Variants in FOXP2 observed in about 807,000 individuals in gnomAD.
FOXP2 encodes forkhead box P2.
FOXP2 carries 12 observed loss-of-function variants against 115.8 expected under a neutral mutation model. That is an observed-to-expected ratio of 0.10 (90% CI 0.07 to 0.17). The LOEUF is 0.17. Among genes scored for constraint, FOXP2 ranks in the 10% least tolerant of loss-of-function variants. The pLI is 1.00. For missense variants in FOXP2, 629 were observed against 843.5 expected (o/e 0.75, Z 3.15); for synonymous variants, 328 against 297.7 (o/e 1.10, Z -1.05).
chr7:114,552,369 T>C (rs951179672), intron 3 of FOXP2, among the ~76,000 whole-genome samples: 4 of 152,186 alleles, frequency 2.6e-5, no homozygotes, highest in African/African-American at 9.7e-5. Context: ...TTCGGTTCTA[T>C]CGCCTCATTG....
At chr7:114,388,084 A>T (rs1562898963) in intron 2 of FOXP2, among the ~76,000 whole-genome samples, 2 of 152,204 alleles carry the variant, frequency 1.3e-5, no homozygotes, top group South Asian at 4.1e-4. Context: ...CAAGTGAGTT[A>T]CACCAACACT....
intron 2 of FOXP2, chr7:114,288,183 C>G (rs953144976): frequency 9.4e-6 from 4 of 425,564 alleles, no homozygotes; most frequent in Non-Finnish European, 1.9e-5. Flanking sequence ...TGATTTTACT[C>G]TTTAGTTTTT....
intron 3 of FOXP2, among the ~76,000 whole-genome samples, chr7:114,586,186 G>C (rs750076224): frequency 1.3e-5 from 2 of 152,132 alleles, no homozygotes; most frequent in Admixed American, 6.5e-5. Flanking sequence ...ATATCAGATA[G>C]ACACAATGAT....
intron 6 of FOXP2, among the ~76,000 whole-genome samples, chr7:114,639,863 T>G (rs1805427669): frequency 6.6e-6 from 1 of 152,196 alleles, no homozygotes; most frequent in Non-Finnish European, 1.5e-5. Flanking sequence ...CTGTTGTTGT[T>G]GTTGTTTTGT....
At chr7:114,547,594 A>G (rs1431073176) in intron 3 of FOXP2, among the ~76,000 whole-genome samples, 2 of 152,090 alleles carry the variant, frequency 1.3e-5, no homozygotes, top group South Asian at 4.1e-4. Context: ...CGTCTCTACT[A>G]AAAAATTACA....
intron 2 of FOXP2, among the ~76,000 whole-genome samples, chr7:114,501,325 A>G (rs779996102): frequency 3.3e-5 from 5 of 152,152 alleles, no homozygotes; most frequent in African/African-American, 9.6e-5. Flanking sequence ...TATTTTTGAT[A>G]CATCTTTATC....
In FOXP2 at chr7:114,540,665, G is replaced by T. The variant is rs73429344; in HGVS notation, c.258+5959G>T. 6.9e-3 allele frequency among the ~76,000 whole-genome samples: 1,056 copies of T among 152,188 alleles called. 9 individuals are homozygous for T. Among genetic ancestry groups the T allele is most frequent in the African/African-American group, 0.024 (1,005 of 41,546 alleles). On this transcript the variant is annotated intron_variant, in intron 3 of 16. Coordinates refer to ENST00000350908, the MANE Select transcript of FOXP2 (RefSeq NM_014491.4). ...AAATTAACAATTCAGGCTACAAGTG[G>T]TCAGGGAAGACTTTGTAGAGAAGGT...
intron 16 of FOXP2, among the ~76,000 whole-genome samples, chr7:114,682,708 A>G (rs1022334993): frequency 2.0e-5 from 3 of 152,130 alleles, no homozygotes; most frequent in East Asian, 3.8e-4. Context: ...CTAATTCTCT[A>G]TTCATCCTGC....
At chr7:114,449,429 AC>A (rs1794972843) in intron 2 of FOXP2, among the ~76,000 whole-genome samples, 1 of 152,086 alleles carries the variant, frequency 6.6e-6, no homozygotes. Flanking sequence ...TGTAATGCAC[AC>A]TTGTACATAT....
chr7:114,570,484 A>G (rs1399470631), intron 3 of FOXP2, among the ~76,000 whole-genome samples: 2 of 151,878 alleles, frequency 1.3e-5, no homozygotes, highest in Non-Finnish European at 2.9e-5. Context: ...TGTCATTTAA[A>G]TATATAGGAG....
intron 1 of FOXP2, among the ~76,000 whole-genome samples, chr7:114,183,742 A>T (rs547065672): frequency 6.6e-6 from 1 of 152,324 alleles, no homozygotes; most frequent in African/African-American, 2.4e-5. Flanking sequence ...AAGTATGTCA[A>T]CATAGTTTTT....
chr7:114,229,484 G>T (rs556732779), intron 1 of FOXP2, among the ~76,000 whole-genome samples: 69 of 151,620 alleles, frequency 4.6e-4, no homozygotes, highest in Non-Finnish European at 8.1e-4. Flanking sequence ...TCTTCAGATA[G>T]ATCATGTGTT....
intron 2 of FOXP2, among the ~76,000 whole-genome samples, chr7:114,315,110 T>A (rs1797243571): frequency 6.6e-6 from 1 of 152,208 alleles, no homozygotes. Context: ...GTTCCATCAC[T>A]GTCTTTGTGT....
intron 1 of FOXP2, among the ~76,000 whole-genome samples, chr7:114,215,542 T>A (rs1794464066): frequency 6.6e-6 from 1 of 152,200 alleles, no homozygotes; most frequent in African/African-American, 2.4e-5. Context: ...ATTGAAATAC[T>A]ACGGTTTATA....
At chr7:114,518,851 T>G (rs1397835543) in intron 2 of FOXP2, among the ~76,000 whole-genome samples, 1 of 152,162 alleles carries the variant, frequency 6.6e-6, no homozygotes, top group Non-Finnish European at 1.5e-5. Flanking sequence ...AATCACTTTG[T>G]TAGTTATTTG....
At chr7:114,316,985 G>A (rs530847418) in intron 2 of FOXP2, among the ~76,000 whole-genome samples, 2 of 152,268 alleles carry the variant, frequency 1.3e-5, no homozygotes, top group Admixed American at 1.3e-4. Context: ...AGAATCACCT[G>A]CTCCAGTTTA....
intron 2 of FOXP2, among the ~76,000 whole-genome samples, chr7:114,395,052 A>G (rs1271797840): frequency 6.6e-6 from 1 of 152,134 alleles, no homozygotes; most frequent in African/African-American, 2.4e-5. Flanking sequence ...GGCAAGTGGG[A>G]GTTAGGTTGG....
Position 114,204,493 on chromosome 7 carries a change from C to T in FOXP2, c.-102+41405C>T, listed in dbSNP as rs186447027. ...TTAACTCACAGCTCTGCATCTTATT[C>T]GCTAAATGATTTTTGGTAAGTTATT... On this transcript the variant is annotated intron_variant, in intron 1 of 17. Transcript: ENST00000634411. Among the ~76,000 whole-genome samples, 25 of 152,262 alleles carry T rather than the reference C, an allele frequency of 1.6e-4. No individual in the cohort carries two copies. The East Asian group carries it at 4.4e-3, about 27-fold the overall frequency.
chr7:114,267,974 A>G (rs1045964862), intron 1 of FOXP2, among the ~76,000 whole-genome samples: 5 of 151,832 alleles, frequency 3.3e-5, no homozygotes, highest in South Asian at 2.1e-4. Context: ...CTTCTCTCTC[A>G]AGTCCCTAAA....
Sources: allele counts gnomAD v4.1 joint callset (sites outside exome capture counted in the v4.1 genomes callset), GRCh38; gene constraint gnomAD v4.1.1; transcripts MANE v1.5; gene names NCBI Gene and HGNC (gene_info 2026-07-23, HGNC 2026-07-21).